TLE4: variants seen among roughly 807,000 people sequenced by gnomAD.
The protein encoded by TLE4 is TLE family member 4, transcriptional corepressor, also known as transducin-like enhancer protein 4.
A neutral mutation model predicts 92.8 loss-of-function variants in TLE4; 8 were observed. That is an observed-to-expected ratio of 0.09 (90% CI 0.05 to 0.16). The LOEUF is 0.16. TLE4 is among the 10% of genes least tolerant of loss of function. The pLI is 1.00. For synonymous variants in TLE4, 371 were observed against 374.1 expected, an observed-to-expected ratio of 0.99 and a Z score of 0.10; for missense variants, 675 against 997.6, an observed-to-expected ratio of 0.68 and a Z score of 4.36.
At chr9:79,614,159 A>G (rs970476423) in intron 5 of TLE4, among the ~76,000 whole-genome samples, 2 of 152,114 alleles carry the variant, frequency 1.3e-5, no homozygotes, top group African/African-American at 4.8e-5. Context: ...GCTCTGCTTT[A>G]TGGAGATGGA....
At chr9:79,609,844 T>G (rs1021222324) in intron 4 of TLE4, among the ~76,000 whole-genome samples, 1 of 151,994 alleles carries the variant, frequency 6.6e-6, no homozygotes, top group Non-Finnish European at 1.5e-5. Flanking sequence ...CACCTATAAA[T>G]TTGATTGGAA....
intron 19 of TLE4, among the ~76,000 whole-genome samples, 174 bp from the exon 20 acceptor site, chr9:79,724,848 TTAAAAAAAAAAAAAA>T (rs1280407802): frequency 0.35 from 7,976 of 22,798 alleles, 424 homozygotes; most frequent in African/African-American, 0.41. Flanking sequence ...CCCTGTCTTA[TTAAAAAAAAAAAAAA>T]AAAAAAAAAA....
intron 4 of TLE4, among the ~76,000 whole-genome samples, chr9:79,592,234 T>C (rs2042838576): frequency 6.7e-6 from 1 of 148,218 alleles, no homozygotes; most frequent in South Asian, 2.2e-4. Context: ...CTTCTTCTTC[T>C]TCCTTCTGCT....
chr9:79,667,985 G>A (rs939490554), intron 8 of TLE4, among the ~76,000 whole-genome samples: 31 of 152,224 alleles, frequency 2.0e-4, no homozygotes, highest in Middle Eastern at 3.2e-3. Context: ...AGTAGTTTAC[G>A]TGAAAAGTCG....
intron 4 of TLE4, among the ~76,000 whole-genome samples, chr9:79,594,712 A>T (rs2043526357): frequency 1.3e-5 from 2 of 152,084 alleles, no homozygotes; most frequent in Non-Finnish European, 1.5e-5. Flanking sequence ...TTGTATTGTC[A>T]CCTTTCCTCT....
intron 5 of TLE4, among the ~76,000 whole-genome samples, chr9:79,613,245 T>G (rs1226640881): frequency 2.0e-5 from 3 of 152,156 alleles, no homozygotes; most frequent in Non-Finnish European, 4.4e-5. Context: ...ATGAACTCAT[T>G]GAACTCGTTT....
At chr9:79,651,624 G>C (rs1338773775) in intron 6 of TLE4, among the ~76,000 whole-genome samples, 1 of 152,184 alleles carries the variant, frequency 6.6e-6, no homozygotes, top group African/African-American at 2.4e-5. Flanking sequence ...TGCACAGAGT[G>C]CCCAATTATT....
intron 16 of TLE4, 96 bp from the exon 17 acceptor site, chr9:79,721,645 A>C: frequency 6.5e-7 from 1 of 1,537,558 alleles, no homozygotes; most frequent in Non-Finnish European, 8.8e-7. Context: ...TCTACAAATA[A>C]GGCCTGCATT....
intron 18 of TLE4, 34 bp downstream of exon 18, chr9:79,722,635 C>G (rs751019058): frequency 3.1e-6 from 5 of 1,608,700 alleles, no homozygotes; most frequent in South Asian, 2.2e-5. Flanking sequence ...TTTCTGTCAA[C>G]CAGAATTGCT....
At chr9:79,721,617 T>C (rs2075657884) in intron 16 of TLE4, 124 bp from the exon 17 acceptor site, 5 of 1,440,270 alleles carry the variant, frequency 3.5e-6, no homozygotes, top group Non-Finnish European at 4.7e-6. Context: ...TTAGAAACCA[T>C]AATAAACCAA....
At chr9:79,714,560 C>T (rs1417790478) in intron 14 of TLE4, among the ~76,000 whole-genome samples, 1 of 152,172 alleles carries the variant, frequency 6.6e-6, no homozygotes, top group Non-Finnish European at 1.5e-5. Flanking sequence ...GGTATCTTTT[C>T]ATTCTTTAAA....
chr9:79,573,657 G>C (rs1389481890), intron 1 of TLE4, 32 bp from the exon 2 acceptor site: 3 of 1,549,790 alleles, frequency 1.9e-6, no homozygotes, highest in Non-Finnish European at 8.8e-7. Context: ...CTGTGATGTG[G>C]GCTAATTAAA....
chr9:79,649,953 T>C (rs1480538162), intron 6 of TLE4: 1 of 1,169,934 alleles, frequency 8.5e-7, no homozygotes. Flanking sequence ...TTTCACTCTG[T>C]CACACAGGCT....
chr9:79,721,729 T>C lies in TLE4; in HGVS notation c.1839-12T>C, dbSNP rs2075677433. 2 of 1,613,756 alleles carry C rather than the reference T, an allele frequency of 1.2e-6. No homozygotes were observed. The highest frequency in any genetic ancestry group is 1.3e-5 in the African/African-American group (1 of 74,932). On this transcript the variant is annotated splice_polypyrimidine_tract_variant and intron_variant, in intron 16 of 19. Transcript: ENST00000376552. ...CTTTTCAAGGGCTTTCCCTCCATTT[T>C]GACATTTTCAGGCAATTCCAGGGCC...
At chr9:79,674,358 C>T (rs912007136) in intron 8 of TLE4, among the ~76,000 whole-genome samples, 1 of 152,128 alleles carries the variant, frequency 6.6e-6, no homozygotes, top group African/African-American at 2.4e-5. Flanking sequence ...GCCTCTGGTT[C>T]ACCCAGAACA....
At chr9:79,670,821 T>A (rs2062185106) in intron 8 of TLE4, among the ~76,000 whole-genome samples, 1 of 152,174 alleles carries the variant, frequency 6.6e-6, no homozygotes, top group Non-Finnish European at 1.5e-5. Context: ...CTTCTCTATC[T>A]GTGTAACATG....
At chr9:79,676,868 A>G (rs922690876) in intron 8 of TLE4, among the ~76,000 whole-genome samples, 4 of 152,214 alleles carry the variant, frequency 2.6e-5, no homozygotes, top group Non-Finnish European at 5.9e-5. Context: ...GTTATTCTAT[A>G]TAGATATTCT....
At chr9:79,589,243 A>G (rs1372686083) in intron 4 of TLE4, among the ~76,000 whole-genome samples, 1 of 152,216 alleles carries the variant, frequency 6.6e-6, no homozygotes, top group Non-Finnish European at 1.5e-5. Flanking sequence ...GAGAAAGGCC[A>G]AGTATGAGCA....
At chr9:79,684,963 G>A (rs964409869) in intron 8 of TLE4, among the ~76,000 whole-genome samples, 8 of 152,184 alleles carry the variant, frequency 5.3e-5, no homozygotes, top group Admixed American at 2.0e-4. Flanking sequence ...TGCCCAAGTG[G>A]TGACTGGCTT....
Sources: allele counts gnomAD v4.1 joint callset (sites outside exome capture counted in the v4.1 genomes callset), GRCh38; gene constraint gnomAD v4.1.1; transcripts MANE v1.5; gene names NCBI Gene and HGNC (gene_info 2026-07-23, HGNC 2026-07-21).